METTL15: variants seen among roughly 807,000 people sequenced by gnomAD.
The protein encoded by METTL15 is methyltransferase 15, mitochondrial 12S rRNA N4-cytidine, also known as 12S rRNA N(4)-cytidine methyltransferase METTL15.
Under a neutral mutation model 38.3 loss-of-function variants are expected in METTL15, and 34 were observed. The ratio of observed to expected loss-of-function variants is 0.89; its 90% CI spans 0.68 to 1.18. The LOEUF (loss-of-function observed/expected upper bound fraction) is 1.18, where lower values mean the gene tolerates loss of function less well. METTL15 is among the 50% of genes most tolerant of loss of function. METTL15 has a pLI of 0.00. For synonymous variants in METTL15, 162 were observed against 170.9 expected, an observed-to-expected ratio of 0.95 and a Z score of 0.41; for missense variants, 438 against 498.4, an observed-to-expected ratio of 0.88 and a Z score of 1.15.
chr11:28,117,235 A>ATGTG (rs375202595), intron 3 of METTL15, among the ~76,000 whole-genome samples: 229 of 116,894 alleles, frequency 2.0e-3, no homozygotes, highest in Middle Eastern at 0.013. Context: ...CTATATATGT[A>ATGTG]TGTGTGTGTG....
chr11:28,471,413 T>C (rs1036690285), intron 6 of METTL15, among the ~76,000 whole-genome samples: 3 of 152,206 alleles, frequency 2.0e-5, no homozygotes, highest in Non-Finnish European at 2.9e-5. Flanking sequence ...ATTTTCTTTT[T>C]TCCATTTTTC....
At chr11:28,207,247 G>T (rs992122003) in intron 3 of METTL15, among the ~76,000 whole-genome samples, 1 of 151,912 alleles carries the variant, frequency 6.6e-6, no homozygotes. Context: ...CTGTGGGGTT[G>T]TCATAGATAG....
chr11:28,487,826 A>G (rs1851450803), intron 6 of METTL15, among the ~76,000 whole-genome samples: 1 of 152,166 alleles, frequency 6.6e-6, no homozygotes, highest in African/African-American at 2.4e-5. Flanking sequence ...GAATTGCATG[A>G]AGTATTAGAA....
chr11:28,343,257 G>C (rs185030361), intron 3 of METTL15, among the ~76,000 whole-genome samples: 1 of 150,872 alleles, frequency 6.6e-6, no homozygotes, highest in East Asian at 1.9e-4. Context: ...AACCTATCTA[G>C]TTATTCTAGA....
At chr11:28,346,221 T>G (rs1007955009) in intron 3 of METTL15, among the ~76,000 whole-genome samples, 3 of 152,234 alleles carry the variant, frequency 2.0e-5, no homozygotes, top group Non-Finnish European at 4.4e-5. Flanking sequence ...ATGGCATCAT[T>G]TGAAACAGGC....
At chr11:28,436,598 GT>G (rs1319416651) in intron 6 of METTL15, among the ~76,000 whole-genome samples, 2 of 151,332 alleles carry the variant, frequency 1.3e-5, no homozygotes, top group Non-Finnish European at 2.9e-5. Context: ...ATGGAATACT[GT>G]TTTTAAATGT....
Position 28,211,078 on chromosome 11 carries a change from C to T in METTL15, c.287C>T (p.Thr96Ile). ...GTTTGCTAGATTTTTCTAGATATGACATTTGGTTCGGGAGGGCACACAAAA... is the reference window on the plus strand; with the variant it reads ...GTTTGCTAGATTTTTCTAGATATGATATTTGGTTCGGGAGGGCACACAAAA... ...PQKGQIFLDM[T>I]FGSGGHTKAI... The change falls in exon 4 of 7, where the codon ACA (threonine) becomes ATA (isoleucine). Residue 96 changes from threonine to isoleucine, a missense_variant. Transcript: ENST00000407364. The T allele has an allele frequency of 1.9e-6, 3 of 1,608,700 alleles. No individual in the cohort carries two copies. Among genetic ancestry groups the T allele is most frequent in the South Asian group, 2.2e-5 (2 of 90,198 alleles).
At chr11:28,520,156 G>A (rs942217843) in intron 6 of METTL15, among the ~76,000 whole-genome samples, 12 of 152,070 alleles carry the variant, frequency 7.9e-5, no homozygotes, top group South Asian at 4.1e-4. Context: ...CCTGGGCAAC[G>A]TGGTGAGACC....
intron 3 of METTL15, among the ~76,000 whole-genome samples, chr11:28,170,946 T>G (rs1387001219): frequency 6.6e-6 from 1 of 152,156 alleles, no homozygotes. Flanking sequence ...CTATTCAAGA[T>G]GGAGTCGCTG....
chr11:28,209,323 C>G (rs890562790), intron 3 of METTL15, among the ~76,000 whole-genome samples: 8 of 151,864 alleles, frequency 5.3e-5, no homozygotes, highest in Admixed American at 5.3e-4. Flanking sequence ...GGAAAAAATT[C>G]TTTGGTTAAA....
intron 4 of METTL15, among the ~76,000 whole-genome samples, chr11:28,262,414 A>T (rs1166675678): frequency 1.3e-5 from 2 of 151,330 alleles, no homozygotes; most frequent in Non-Finnish European, 2.9e-5. Flanking sequence ...TATATATGCT[A>T]TATACACAGA....
At chr11:28,372,482 C>T (rs1354605214) in intron 5 of METTL15, among the ~76,000 whole-genome samples, 2 of 123,372 alleles carry the variant, frequency 1.6e-5, no homozygotes, top group Non-Finnish European at 3.3e-5. Flanking sequence ...CATGCCAATA[C>T]ATGTTAAACC....
At chr11:28,110,934 C>T (rs1397295843) in intron 2 of METTL15, among the ~76,000 whole-genome samples, 1 of 152,144 alleles carries the variant, frequency 6.6e-6, no homozygotes, top group African/African-American at 2.4e-5. Context: ...TCCTTATGAC[C>T]AGAGGGAACT....
chr11:28,404,074 G>A (rs1003177696), intron 5 of METTL15, among the ~76,000 whole-genome samples: 13 of 151,772 alleles, frequency 8.6e-5, no homozygotes, highest in South Asian at 2.1e-4. Flanking sequence ...TAGAAAACAT[G>A]AGCATAGAGA....
intron 3 of METTL15, among the ~76,000 whole-genome samples, chr11:28,186,396 A>G (rs1010114724): frequency 2.0e-5 from 3 of 151,408 alleles, no homozygotes; most frequent in South Asian, 4.1e-4. Context: ...ATTTTTTTGT[A>G]TATATCTTAA....
At chr11:28,243,999 A>G (rs1854410326) in intron 4 of METTL15, among the ~76,000 whole-genome samples, 2 of 152,196 alleles carry the variant, frequency 1.3e-5, no homozygotes, top group South Asian at 2.1e-4. Flanking sequence ...GATTGGGTCA[A>G]TTGGCTAGAA....
At chr11:28,216,476 G>C (rs1287700395) in intron 4 of METTL15, among the ~76,000 whole-genome samples, 1 of 152,110 alleles carries the variant, frequency 6.6e-6, no homozygotes, top group Admixed American at 6.5e-5. Flanking sequence ...ATAACTTCTA[G>C]ATGGTGTGAA....
chr11:28,417,168 T>C (rs1376460363), intron 5 of METTL15, among the ~76,000 whole-genome samples: 4 of 152,124 alleles, frequency 2.6e-5, no homozygotes, highest in Admixed American at 6.6e-5. Context: ...AGAACAGGGG[T>C]GTTGTACATG....
At chr11:28,238,374 A>G (rs534574255) in intron 4 of METTL15, among the ~76,000 whole-genome samples, 9 of 152,250 alleles carry the variant, frequency 5.9e-5, no homozygotes, top group African/African-American at 2.2e-4. Flanking sequence ...CGTGCTAGCA[A>G]TCAGCGAGAC....
Sources: allele counts gnomAD v4.1 joint callset (sites outside exome capture counted in the v4.1 genomes callset), GRCh38; gene constraint gnomAD v4.1.1; transcripts MANE v1.5; gene names NCBI Gene and HGNC (gene_info 2026-07-23, HGNC 2026-07-21).